The following BIRC6 variants were observed in gnomAD, a reference collection of about 807,000 sequenced individuals.
BIRC6 encodes the protein dual E2 ubiquitin-conjugating enzyme/E3 ubiquitin-protein ligase BIRC6.
A neutral mutation model predicts 503.3 loss-of-function variants in BIRC6; 98 were observed. That is an observed-to-expected ratio of 0.19 (90% CI 0.17 to 0.23). The LOEUF is 0.23. Among genes scored for constraint, BIRC6 ranks in the 10% least tolerant of loss-of-function variants. The pLI is 1.00. For synonymous variants in BIRC6, 2,240 were observed against 2,078.7 expected, an observed-to-expected ratio of 1.08 and a Z score of -2.11; for missense variants, 5,360 against 5,806.0, an observed-to-expected ratio of 0.92 and a Z score of 2.50.
intron 66 of BIRC6, among the ~76,000 whole-genome samples, chr2:32,588,343 G>A (rs2061195417): frequency 6.6e-6 from 1 of 152,078 alleles, no homozygotes; most frequent in African/African-American, 2.4e-5. Flanking sequence ...CAACAAGAGT[G>A]AAACTCCGTC....
chr2:32,488,775 A>C, intron 42 of BIRC6, 61 bp downstream of exon 42: 1 of 1,146,808 alleles, frequency 8.7e-7, no homozygotes. Flanking sequence ...CGTAATTATT[A>C]GGTTAAAATA....
chr2:32,394,763 A>C (rs1427432281), intron 5 of BIRC6, among the ~76,000 whole-genome samples: 1 of 152,142 alleles, frequency 6.6e-6, no homozygotes, highest in Admixed American at 6.5e-5. Flanking sequence ...CCACGAGTTC[A>C]GGGCTATAGT....
chr2:32,548,144 C>G, intron 64 of BIRC6, 130 bp downstream of exon 64: 1 of 725,016 alleles, frequency 1.4e-6, no homozygotes, highest in Non-Finnish European at 2.1e-6. Flanking sequence ...CTTCCCAGTG[C>G]ATTCTAAGAT....
chr2:32,474,691 T>G (rs563690986), intron 33 of BIRC6, among the ~76,000 whole-genome samples: 2 of 152,324 alleles, frequency 1.3e-5, no homozygotes, highest in African/African-American at 4.8e-5. Context: ...TGTACAATAA[T>G]TAAAACTGGC....
At chr2:32,510,448 C>T (rs1047037596) in intron 52 of BIRC6, 78 bp from the exon 53 acceptor site, 1 of 848,594 alleles carries the variant, frequency 1.2e-6, no homozygotes, top group South Asian at 1.5e-5. Context: ...TAATGAATAA[C>T]TTAATTCAAT....
At chr2:32,481,614 A>C (rs1572526927) in intron 38 of BIRC6, among the ~76,000 whole-genome samples, 161 bp downstream of exon 38, 1 of 152,012 alleles carries the variant, frequency 6.6e-6, no homozygotes, top group Non-Finnish European at 1.5e-5. Context: ...AAAATAGAAA[A>C]AATTAGCTGG....
At chr2:32,508,998 G>A (rs2054104155) in intron 51 of BIRC6, among the ~76,000 whole-genome samples, 1 of 151,996 alleles carries the variant, frequency 6.6e-6, no homozygotes, top group Non-Finnish European at 1.5e-5. Context: ...GGACCCAGGA[G>A]GTGGAGGTTG....
intron 62 of BIRC6, 43 bp downstream of exon 62, chr2:32,543,584 G>A (rs2057833582): frequency 6.4e-7 from 1 of 1,563,714 alleles, no homozygotes; most frequent in Non-Finnish European, 8.7e-7. Flanking sequence ...ATGTGAATAG[G>A]TTGTGTAAAG....
chr2:32,392,754 A>G (rs1573888679), intron 5 of BIRC6, among the ~76,000 whole-genome samples: 1 of 151,986 alleles, frequency 6.6e-6, no homozygotes, highest in East Asian at 1.9e-4. Flanking sequence ...CTCCCTGAGT[A>G]GCTGAGACTA....
intron 65 of BIRC6, 191 bp from the exon 66 acceptor site, chr2:32,574,965 C>T: frequency 3.3e-6 from 2 of 605,810 alleles, no homozygotes; most frequent in Non-Finnish European, 5.8e-6. Context: ...TCAGGCTGGT[C>T]TCGAACTCCC....
At chr2:32,413,600 T>C (rs980802346) in intron 9 of BIRC6, among the ~76,000 whole-genome samples, 1 of 152,088 alleles carries the variant, frequency 6.6e-6, no homozygotes, top group Admixed American at 6.5e-5. Flanking sequence ...ATGACAGATG[T>C]GAGCCACCTG....
intron 34 of BIRC6, among the ~76,000 whole-genome samples, chr2:32,476,956 A>G (rs2049834258): frequency 1.3e-5 from 2 of 152,340 alleles, no homozygotes; most frequent in South Asian, 2.1e-4. Context: ...ATAACATGAA[A>G]TTATGATTAT....
intron 55 of BIRC6, 117 bp downstream of exon 55, chr2:32,515,887 T>A: frequency 1.0e-6 from 1 of 960,636 alleles, no homozygotes; most frequent in Non-Finnish European, 1.5e-6. Flanking sequence ...GATCTGAATT[T>A]AAGCTATAAA....
At chr2:32,481,231 TA>T in intron 37 of BIRC6, 88 bp from the exon 38 acceptor site, 1 of 1,220,706 alleles carries the variant, frequency 8.2e-7, no homozygotes, top group Non-Finnish European at 1.1e-6. Context: ...AACATGCAAG[TA>T]AAATAACTTT....
chr2:32,513,755 A>C lies in BIRC6; in HGVS notation c.10568+601A>C, dbSNP rs369316330. 1.5e-3 allele frequency among the ~76,000 whole-genome samples: 234 copies of C among 152,300 alleles called. 1 individual carries two copies. The highest frequency in any genetic ancestry group is 5.4e-3 in the African/African-American group (226 of 41,572). ...GAAACCCCGTCTCTACTAAAAATAG[A>C]AAAACTAGCCCGGCGTGGTGGCGCG... On this transcript the variant is annotated intron_variant, in intron 54 of 73. Transcript: ENST00000421745.
chr2:32,487,707 A>G lies in BIRC6; in HGVS notation c.7874A>G (p.Gln2625Arg). 6.2e-7 allele frequency: 1 copy of G among 1,613,808 alleles called. No homozygotes were observed. The highest frequency in any genetic ancestry group is 8.5e-7 in the Non-Finnish European group (1 of 1,179,766). ...SLLGGLQAANQTSQLIIQLSS... is the reference protein window; with the variant it reads ...SLLGGLQAANRTSQLIIQLSS... ...CTAGGGGGTTTACAAGCAGCAAACC[A>G]AACCAGCCAGCTTATTATACAGTTA... Residue 2625 changes from glutamine (Q) to arginine (R), a missense_variant, in exon 41 of 74, where the codon CAA becomes CGA. Around this residue, in one of 16 missense-constraint regions of BIRC6, gnomAD observed 2,299 missense variants for 2,267.2 expected, o/e 1.01. Transcript: ENST00000421745.
chr2:32,498,596 T>C (rs769803484), intron 45 of BIRC6, among the ~76,000 whole-genome samples: 1 of 152,152 alleles, frequency 6.6e-6, no homozygotes, highest in Non-Finnish European at 1.5e-5. Context: ...ACAGTCTTTG[T>C]TTGTTTTTTG....
At chr2:32,601,084 G>T (rs975969810) in intron 70 of BIRC6, among the ~76,000 whole-genome samples, 1 of 152,202 alleles carries the variant, frequency 6.6e-6, no homozygotes, top group Non-Finnish European at 1.5e-5. Flanking sequence ...ATCCTGGGCC[G>T]CATGTGGCCT....
At chr2:32,425,396 C>G (rs528077139) in intron 10 of BIRC6, among the ~76,000 whole-genome samples, 1 of 150,206 alleles carries the variant, frequency 6.7e-6, no homozygotes, top group African/African-American at 2.4e-5. Flanking sequence ...CTAATAATTC[C>G]AATATCTGGG....
Sources: gnomAD v4.1 joint callset for allele counts (sites outside exome capture counted in the v4.1 genomes callset) on GRCh38, gnomAD v4.1.1 for gene constraint, gnomAD v4.1.1 regional missense constraint, MANE v1.5 for transcripts, NCBI Gene and HGNC (gene_info 2026-07-23, HGNC 2026-07-21) for gene names.